DENND1B: variants seen among roughly 807,000 people sequenced by gnomAD.
DENND1B encodes DENN domain containing 1B, also known as DENN domain-containing protein 1B.
DENND1B carries 59 observed loss-of-function variants against 90.1 expected under a neutral mutation model. The observed-to-expected ratio is 0.65, with a 90% CI of 0.53 to 0.81. The LOEUF is 0.81. Among genes scored for constraint, DENND1B ranks in the 40% least tolerant of loss-of-function variants. The pLI is 0.00. For missense variants in DENND1B, 862 were observed against 912.6 expected (o/e 0.94, Z 0.71); for synonymous variants, 337 against 324.6 (o/e 1.04, Z -0.41).
intron 11 of DENND1B, 96 bp downstream of exon 11, chr1:197,617,563 T>C (rs1286827131): frequency 3.6e-6 from 3 of 827,640 alleles, no homozygotes; most frequent in Middle Eastern, 2.3e-4. Context: ...CTGTGATTTC[T>C]TTTAAATATG....
intron 20 of DENND1B, among the ~76,000 whole-genome samples, chr1:197,519,681 G>C (rs1169095727): frequency 1.3e-5 from 2 of 151,942 alleles, no homozygotes; most frequent in East Asian, 1.9e-4. Context: ...GTCAAGGGAA[G>C]TCTTTCCCTG....
chr1:197,678,337 A>T (rs1246194254), intron 3 of DENND1B, among the ~76,000 whole-genome samples: 1 of 152,194 alleles, frequency 6.6e-6, no homozygotes, highest in Admixed American at 6.5e-5. Flanking sequence ...GGACAATTTT[A>T]AACTATCTGT....
At chr1:197,759,785 C>T (rs1391469685) in intron 2 of DENND1B, among the ~76,000 whole-genome samples, 1 of 146,074 alleles carries the variant, frequency 6.8e-6, no homozygotes, top group African/African-American at 2.6e-5. Flanking sequence ...GAGGAAGATA[C>T]CTCTTAGAGA....
chr1:197,613,763 T>C (rs1677393553), intron 11 of DENND1B, among the ~76,000 whole-genome samples: 2 of 151,088 alleles, frequency 1.3e-5, no homozygotes, highest in East Asian at 2.0e-4. Context: ...ATGTTCAAAA[T>C]AGCATAAAAT....
In DENND1B at chr1:197,511,757, A is replaced by G. The variant is rs749534710; in HGVS notation, c.1786T>C (p.Ser596Pro). 4.0e-5 allele frequency: 65 copies of G among 1,610,246 alleles called. No homozygotes were observed. Among genetic ancestry groups the G allele is most frequent in the Non-Finnish European group, 5.5e-5 (65 of 1,177,738 alleles). ...AAAKSLDFFR[S>P]MDDIDYKPTN... ...GGTTTGTAATCAATGTCATCCATTG[A>G]TCTAAAGAAATCCAAGCTCTTTGCA... is the stretch of plus-strand genomic sequence containing the variant. The change falls in exon 22 of 23, where the codon TCA becomes CCA. Residue 596 changes from serine to proline, a missense_variant. Coordinates refer to ENST00000620048, the MANE Select transcript of DENND1B (RefSeq NM_001195215.2).
At chr1:197,759,282 T>C (rs372696714) in intron 2 of DENND1B, among the ~76,000 whole-genome samples, 4 of 151,042 alleles carry the variant, frequency 2.6e-5, no homozygotes, top group East Asian at 3.9e-4. Context: ...AATACTTCTT[T>C]AAAAAATTTA....
chr1:197,629,096 G>A (rs371306314), intron 10 of DENND1B, among the ~76,000 whole-genome samples: 12 of 151,984 alleles, frequency 7.9e-5, no homozygotes, highest in Admixed American at 2.0e-4. Flanking sequence ...AAACTAGTTC[G>A]ACCATTGTGG....
chr1:197,506,582 G>A lies in DENND1B; in HGVS notation c.*3878C>T, dbSNP rs1667741397. 1 of 151,444 alleles carries A rather than the reference G, an allele frequency of 6.6e-6. No individual in the cohort carries two copies. The highest frequency in any genetic ancestry group is 2.1e-4 in the South Asian group (1 of 4,826). The allele number at this position is 151,444 out of a possible 1,614,324, so 9.4% of individuals were successfully genotyped here. ...AAATCCACATTTTCTACAAGAGAAT[G>A]AAGGTCTATTGATTATGAGACATTC... On this transcript the variant is annotated 3_prime_UTR_variant, in exon 23 of 23. Transcript: ENST00000620048.
chr1:197,672,603 C>T (rs1025501572), intron 4 of DENND1B, among the ~76,000 whole-genome samples: 4 of 152,130 alleles, frequency 2.6e-5, no homozygotes, highest in African/African-American at 9.6e-5. Context: ...CCACCACCAA[C>T]TCTGTTTAAT....
chr1:197,661,532 A>G (rs901840831), intron 5 of DENND1B, among the ~76,000 whole-genome samples: 1 of 151,982 alleles, frequency 6.6e-6, no homozygotes, highest in African/African-American at 2.4e-5. Context: ...TTTCTATCCA[A>G]CTCTCAAGGA....
At chr1:197,639,298 A>G (rs1024768424) in intron 10 of DENND1B, among the ~76,000 whole-genome samples, 1 of 152,096 alleles carries the variant, frequency 6.6e-6, no homozygotes, top group Non-Finnish European at 1.5e-5. Flanking sequence ...TCCTGACCTC[A>G]GGTGATCTGC....
chr1:197,617,166 G>C (rs1184161093), intron 11 of DENND1B, among the ~76,000 whole-genome samples: 1 of 151,006 alleles, frequency 6.6e-6, no homozygotes, highest in Non-Finnish European at 1.5e-5. Context: ...AAGAATTCTT[G>C]TATTAGAGAC....
At chr1:197,729,340 C>T (rs964646523) in intron 2 of DENND1B, among the ~76,000 whole-genome samples, 15 of 152,022 alleles carry the variant, frequency 9.9e-5, no homozygotes, top group Non-Finnish European at 2.2e-4. Flanking sequence ...TAAAATTATT[C>T]CCTATCATAT....
intron 2 of DENND1B, among the ~76,000 whole-genome samples, chr1:197,770,727 A>G (rs1319336546): frequency 2.8e-5 from 4 of 140,918 alleles, no homozygotes; most frequent in South Asian, 4.3e-4. Flanking sequence ...TATATCTATA[A>G]ATATATATAA....
chr1:197,552,148 A>T (rs1671289784), intron 16 of DENND1B: 2 of 843,646 alleles, frequency 2.4e-6, no homozygotes, highest in Non-Finnish European at 2.9e-6. Context: ...GAATTCCAGC[A>T]TCTATTTATT....
intron 10 of DENND1B, among the ~76,000 whole-genome samples, chr1:197,622,851 T>A (rs907307677): frequency 5.3e-5 from 8 of 151,456 alleles, no homozygotes; most frequent in Admixed American, 5.3e-4. Context: ...ATCAGTCTAT[T>A]AATAAAACTA....
chr1:197,544,949 AGAGAAGGGAGAAGG>A (rs1558222426), intron 18 of DENND1B, among the ~76,000 whole-genome samples: 90 of 798 alleles, frequency 0.11, no homozygotes, highest in South Asian at 0.19. Context: ...AAGGGAGAAG[AGAGAAGGGAGAAGG>A]AGAAGGAGGA....
chr1:197,726,770 G>GA (rs999976009), intron 2 of DENND1B, among the ~76,000 whole-genome samples: 20 of 152,234 alleles, frequency 1.3e-4, no homozygotes, highest in Admixed American at 1.2e-3. Context: ...TATCAAGCTG[G>GA]AAAAAAACTG....
chr1:197,737,307 C>T (rs1397861530), intron 2 of DENND1B, among the ~76,000 whole-genome samples: 2 of 152,196 alleles, frequency 1.3e-5, no homozygotes, highest in Non-Finnish European at 1.5e-5. Flanking sequence ...AGATGCATAA[C>T]AATCACCTGG....
Sources: gnomAD v4.1 joint callset for allele counts (sites outside exome capture counted in the v4.1 genomes callset) on GRCh38, gnomAD v4.1.1 for gene constraint, MANE v1.5 for transcripts, NCBI Gene and HGNC (gene_info 2026-07-23, HGNC 2026-07-21) for gene names.